Variants in CENPC observed in about 807,000 individuals in gnomAD.
CENPC encodes the protein centromere protein C.
Under a neutral mutation model 112.1 loss-of-function variants are expected in CENPC, and 63 were observed. That is an observed-to-expected ratio of 0.56 (90% CI 0.46 to 0.69). The LOEUF (loss-of-function observed/expected upper bound fraction) is 0.69. Among genes scored for constraint, CENPC ranks in the 30% least tolerant of loss-of-function variants. CENPC has a pLI of 0.00. For missense variants in CENPC, 1,000 were observed against 1,103.8 expected (o/e 0.91, Z 1.33); for synonymous variants, 333 against 367.6 (o/e 0.91, Z 1.08).
rs548997237 is a variant in CENPC at position 67,520,121 on chromosome 4, G to A, written c.332-619C>T. Among the ~76,000 whole-genome samples, 5 of 152,224 alleles carry A rather than the reference G, an allele frequency of 3.3e-5. No homozygotes were observed. The South Asian group carries it at 6.2e-4, about 19-fold the overall frequency. ...GTGAAAGACAGGGTGGAGGCTGGGT[G>A]GAAATGCATTCTCTGAACAAGGTAA... On this transcript the variant is annotated intron_variant, in intron 5 of 18. Coordinates refer to ENST00000273853, the MANE Select transcript of CENPC (RefSeq NM_001812.4).
Position 67,514,529 on chromosome 4 carries a change from C to A in CENPC, c.989G>T (p.Arg330Leu), listed in dbSNP as rs371671240. 1.7e-5 allele frequency: 28 copies of A among 1,612,616 alleles called. No individual in the cohort carries two copies. The highest frequency in any genetic ancestry group is 1.7e-4 in the Middle Eastern group (1 of 6,008). ...AGTGCTCTCAGCCGGGGATATTGTG[C>A]GTTGTTTCAGAGACCCTGCCTTTCT... ...IPRKAGSLKQ[R>L]TISPAESTAL... The change falls in exon 8 of 19, where the codon CGC becomes CTC. Residue 330 changes from arginine (R) to leucine (L), a missense_variant. Coordinates refer to ENST00000273853, the MANE Select transcript of CENPC (RefSeq NM_001812.4).
chr4:67,481,383 C>G (rs1489514129), intron 17 of CENPC, among the ~76,000 whole-genome samples: 1 of 152,076 alleles, frequency 6.6e-6, no homozygotes, highest in East Asian at 1.9e-4. Context: ...CATCATTCTT[C>G]AAAGAACTAG....
At chr4:67,507,900 A>G (rs574610741) in intron 10 of CENPC, among the ~76,000 whole-genome samples, 29 of 152,262 alleles carry the variant, frequency 1.9e-4, no homozygotes, top group Admixed American at 5.9e-4. Flanking sequence ...GTGAAACAGA[A>G]TGGGTATGGG....
chr4:67,471,817 G>C lies in CENPC; in HGVS notation c.*788C>G, dbSNP rs187100384. Reference sequence around the variant, plus strand: ...TAGATGTATTGATTGATATTAAAAAGGGAAAGTTGAGGCCACATACAGAAA... The same window carrying C: ...TAGATGTATTGATTGATATTAAAAACGGAAAGTTGAGGCCACATACAGAAA... On this transcript the variant is annotated 3_prime_UTR_variant, in exon 19 of 19. Transcript: ENST00000273853. 1 of 152,318 alleles carries C rather than the reference G, an allele frequency of 6.6e-6. No homozygotes were observed. The allele number at this position is 152,318 out of a possible 1,614,324, so 9.4% of individuals were successfully genotyped here. A position where few individuals can be genotyped will look rare whatever the true frequency, so the allele number is the denominator to read the frequency against.
intron 12 of CENPC, among the ~76,000 whole-genome samples, chr4:67,502,785 C>A (rs1372625042): frequency 6.6e-6 from 1 of 152,180 alleles, no homozygotes; most frequent in Admixed American, 6.6e-5. Flanking sequence ...CTTCCAGGAG[C>A]TCGGGCCAAA....
At chr4:67,515,462 T>A (rs1726032775) in intron 7 of CENPC, among the ~76,000 whole-genome samples, 1 of 150,382 alleles carries the variant, frequency 6.6e-6, no homozygotes, top group South Asian at 2.1e-4. Context: ...CAAAACTCCA[T>A]CTCAGACAGA....
chr4:67,526,466 A>G (rs981658292), intron 5 of CENPC, among the ~76,000 whole-genome samples: 2 of 152,184 alleles, frequency 1.3e-5, no homozygotes, highest in African/African-American at 4.8e-5. Flanking sequence ...TTCAGTCACA[A>G]TGAAATTGAT....
In CENPC at chr4:67,509,095, A is replaced by G; in HGVS notation, c.1623T>C (p.Tyr541=). The G allele has an allele frequency of 6.2e-7, 1 of 1,605,766 alleles. No individual in the cohort carries two copies. The highest frequency in any genetic ancestry group is 8.5e-7 in the Non-Finnish European group (1 of 1,178,042). ...WVVKSEESPV[Y]SNSSVRNELP... ...ATTCATTTCTTACTGAAGAATTGCTATAAACAGGACCTGAAGGATTCAATG... is the reference window on the plus strand; with the variant it reads ...ATTCATTTCTTACTGAAGAATTGCTGTAAACAGGACCTGAAGGATTCAATG... The change falls in exon 10 of 19, where the codon TAT becomes TAC. Residue 541 remains tyrosine (Y), a synonymous_variant. Transcript: ENST00000273853.
At chr4:67,538,678 C>T (rs548927317) in intron 4 of CENPC, among the ~76,000 whole-genome samples, 16 of 152,054 alleles carry the variant, frequency 1.1e-4, no homozygotes, top group African/African-American at 3.6e-4. Context: ...AGCATTCAAT[C>T]AAATATTGAT....
intron 13 of CENPC, 76 bp downstream of exon 13, chr4:67,495,079 GAAGA>G: frequency 7.9e-7 from 1 of 1,269,670 alleles, no homozygotes; most frequent in Non-Finnish European, 1.1e-6. Context: ...TCCTGCTTAA[GAAGA>G]AATAAGTTAT....
At chr4:67,477,055 CCT>C (rs1481472684) in intron 17 of CENPC, among the ~76,000 whole-genome samples, 1 of 152,184 alleles carries the variant, frequency 6.6e-6, no homozygotes, top group Non-Finnish European at 1.5e-5. Context: ...CCTAATCAAT[CCT>C]ACCTGCACCT....
intron 12 of CENPC, among the ~76,000 whole-genome samples, chr4:67,503,197 G>A (rs960000852): frequency 3.3e-5 from 5 of 151,666 alleles, no homozygotes; most frequent in East Asian, 1.9e-4. Context: ...CCTACTACTC[G>A]TTCGCTCTCT....
At chr4:67,505,061 C>G (rs1725696617) in intron 12 of CENPC, 144 bp downstream of exon 12, 1 of 629,418 alleles carries the variant, frequency 1.6e-6, no homozygotes, top group Non-Finnish European at 2.8e-6. Context: ...GGTACAGGGT[C>G]TTATTAATCT....
chr4:67,522,947 C>A (rs1051177957), intron 5 of CENPC, among the ~76,000 whole-genome samples: 2 of 151,810 alleles, frequency 1.3e-5, no homozygotes, highest in South Asian at 4.2e-4. Flanking sequence ...TTGCAGTGCA[C>A]CAAGATTGTG....
At chr4:67,484,309 C>A (rs948284247) in intron 17 of CENPC, among the ~76,000 whole-genome samples, 3 of 152,140 alleles carry the variant, frequency 2.0e-5, no homozygotes, top group African/African-American at 7.2e-5. Context: ...GTTCATAAGA[C>A]AAAATAGCTT....
At chr4:67,528,478 C>A (rs1357877612) in intron 5 of CENPC, among the ~76,000 whole-genome samples, 1 of 151,988 alleles carries the variant, frequency 6.6e-6, no homozygotes, top group Non-Finnish European at 1.5e-5. Flanking sequence ...TCACCATTAC[C>A]CCCTACCACA....
chr4:67,481,158 C>CG (rs749454038), intron 17 of CENPC, among the ~76,000 whole-genome samples: 1 of 152,108 alleles, frequency 6.6e-6, no homozygotes, highest in Non-Finnish European at 1.5e-5. Context: ...AGCGACCAAG[C>CG]TGAGAAACAA....
chr4:67,502,009 G>C (rs924133320), intron 12 of CENPC, among the ~76,000 whole-genome samples: 3 of 152,102 alleles, frequency 2.0e-5, no homozygotes, highest in African/African-American at 4.8e-5. Context: ...AGTAAGTATG[G>C]AGATGGAAGA....
At chr4:67,490,188 C>T (rs540402591) in intron 16 of CENPC, 67 bp from the exon 17 acceptor site, 2 of 1,036,230 alleles carry the variant, frequency 1.9e-6, no homozygotes, top group East Asian at 5.7e-5. Flanking sequence ...AACATATACA[C>T]ATATATATAA....
Sources: gnomAD v4.1 joint callset for allele counts (sites outside exome capture counted in the v4.1 genomes callset) on GRCh38, gnomAD v4.1.1 for gene constraint, MANE v1.5 for transcripts, NCBI Gene and HGNC (gene_info 2026-07-23, HGNC 2026-07-21) for gene names.